TLE1: variants seen among roughly 807,000 people sequenced by gnomAD.
TLE1 encodes transducin-like enhancer protein 1.
TLE1 carries 21 observed loss-of-function variants against 89.8 expected under a neutral mutation model. That is an observed-to-expected ratio of 0.23 (90% CI 0.17 to 0.34). The LOEUF (loss-of-function observed/expected upper bound fraction) is 0.34, where lower values mean the gene tolerates loss of function less well. TLE1 is among the 10% of genes least tolerant of loss of function. The probability of loss-of-function intolerance (pLI) is 1.00; values close to 1 mark genes in which losing one functional copy is unlikely to be tolerated. For missense variants in TLE1, 795 were observed against 1,031.2 expected (o/e 0.77, Z 3.14); for synonymous variants, 447 against 407.6 (o/e 1.10, Z -1.16).
intron 8 of TLE1, among the ~76,000 whole-genome samples, chr9:81,630,373 C>T (rs970036288): frequency 3.3e-5 from 5 of 152,110 alleles, no homozygotes; most frequent in African/African-American, 1.2e-4. Flanking sequence ...CATAACAATG[C>T]CACTCTTCCC....
In TLE1 at chr9:81,689,496, A is replaced by AGCCGCCGCTCCCACCGCC. The variant is rs1554709634; in HGVS notation, c.-1274_-1257dup. Reference sequence around the variant, plus strand: ...CTGTTTCTGCTGCTGCTGCTTCTGCAGCCGCCGCTCCCACCGCCGCCGCCG... The same window carrying AGCCGCCGCTCCCACCGCC: ...CTGTTTCTGCTGCTGCTGCTTCTGCAGCCGCCGCTCCCACCGCCGCCGCCGCTCCCACCGCCGCCGCCG... On this transcript the variant is annotated 5_prime_UTR_variant, in exon 1 of 20. Transcript: ENST00000376499. Among the ~76,000 whole-genome samples, 6 of 151,918 alleles carry AGCCGCCGCTCCCACCGCC rather than the reference A, an allele frequency of 3.9e-5. No homozygotes were observed. Among genetic ancestry groups the AGCCGCCGCTCCCACCGCC allele is most frequent in the African/African-American group, 1.2e-4 (5 of 41,344 alleles).
Position 81,675,698 on chromosome 9 carries a change from G to GTT in TLE1, c.234+9976_234+9977dup, listed in dbSNP as rs35060460. ...AATTTTAGCATAAGGACTCACACTA[G>GTT]TTTTTTTTTGTTTTTTTTTTTGAGA... On this transcript the variant is annotated intron_variant, in intron 4 of 19. Coordinates refer to ENST00000376499, the MANE Select transcript of TLE1 (RefSeq NM_005077.5). 1.5e-3 allele frequency among the ~76,000 whole-genome samples: 191 copies of GTT among 129,640 alleles called. 8 individuals carry two copies. The highest frequency in any genetic ancestry group is 4.5e-3 in the African/African-American group (137 of 30,384). 85.0% of individuals were successfully genotyped at this position (129,640 alleles called of 152,430 possible).
intron 4 of TLE1, among the ~76,000 whole-genome samples, chr9:81,673,111 A>G (rs1456230966): frequency 6.6e-6 from 1 of 151,974 alleles, no homozygotes; most frequent in Non-Finnish European, 1.5e-5. Flanking sequence ...CGACTCTACT[A>G]AAAATACAAA....
Position 81,679,862 on chromosome 9 carries a change from C to T in TLE1, c.234+5814G>A, listed in dbSNP as rs1026510152. Among the ~76,000 whole-genome samples, 4 of 152,108 alleles carry T rather than the reference C, an allele frequency of 2.6e-5. 1 individual carries two copies. In the South Asian group the frequency reaches 8.3e-4, roughly 32 times the overall value. ...CCCTTTAATCCACTTCTGGAGACCACAAAAGGTTTAATAATAAAACAGCAA... is the reference window on the plus strand; with the variant it reads ...CCCTTTAATCCACTTCTGGAGACCATAAAAGGTTTAATAATAAAACAGCAA... On this transcript the variant is annotated intron_variant, in intron 4 of 19. Coordinates refer to ENST00000376499, the MANE Select transcript of TLE1 (RefSeq NM_005077.5).
chr9:81,684,132 G>A (rs1437643946), intron 4 of TLE1, among the ~76,000 whole-genome samples: 1 of 150,020 alleles, frequency 6.7e-6, no homozygotes, highest in African/African-American at 2.5e-5. Flanking sequence ...AAAAAAAAGT[G>A]CCCTTCAGAG....
intron 14 of TLE1, among the ~76,000 whole-genome samples, chr9:81,600,543 A>G (rs1401913206): frequency 6.6e-6 from 1 of 152,066 alleles, no homozygotes; most frequent in African/African-American, 2.4e-5. Context: ...CTATATCAGA[A>G]GGTAGAAAAA....
At chr9:81,675,958 C>T (rs1832855226) in intron 4 of TLE1, among the ~76,000 whole-genome samples, 1 of 152,204 alleles carries the variant, frequency 6.6e-6, no homozygotes, top group African/African-American at 2.4e-5. Flanking sequence ...CTCAGCCTCC[C>T]AAAGTGCTGG....
chr9:81,611,140 A>G (rs1284666852), intron 13 of TLE1, among the ~76,000 whole-genome samples: 2 of 152,176 alleles, frequency 1.3e-5, no homozygotes, highest in Non-Finnish European at 2.9e-5. Context: ...AGCCAATTCT[A>G]CCCTTCAAAT....
chr9:81,671,262 C>T (rs1260166439), intron 4 of TLE1, among the ~76,000 whole-genome samples: 2 of 152,070 alleles, frequency 1.3e-5, no homozygotes, highest in Non-Finnish European at 2.9e-5. Flanking sequence ...GCCTGTAATC[C>T]CAGCACTTTG....
At chr9:81,659,966 A>G (rs1333128172) in intron 4 of TLE1, among the ~76,000 whole-genome samples, 1 of 152,112 alleles carries the variant, frequency 6.6e-6, no homozygotes, top group Non-Finnish European at 1.5e-5. Context: ...TAACGCCAAT[A>G]AACGCACTCT....
intron 8 of TLE1, among the ~76,000 whole-genome samples, chr9:81,630,570 C>A (rs1323318491): frequency 3.9e-5 from 6 of 152,154 alleles, no homozygotes; most frequent in Non-Finnish European, 8.8e-5. Flanking sequence ...ACAAAAAGTT[C>A]TTCAGGGCCC....
chr9:81,671,403 T>C (rs541132685), intron 4 of TLE1, among the ~76,000 whole-genome samples: 124 of 151,814 alleles, frequency 8.2e-4, no homozygotes, highest in Middle Eastern at 6.8e-3. Context: ...TCCTAGCACT[T>C]TGGGAGGCCA....
intron 4 of TLE1, among the ~76,000 whole-genome samples, chr9:81,682,974 C>T (rs141940014): frequency 2.0e-5 from 3 of 152,320 alleles, no homozygotes; most frequent in South Asian, 2.1e-4. Context: ...GAAGTGTTGA[C>T]ACAACCTAAA....
intron 14 of TLE1, among the ~76,000 whole-genome samples, chr9:81,609,469 ATT>A (rs1467538962): frequency 1.3e-5 from 2 of 152,224 alleles, no homozygotes; most frequent in Admixed American, 6.5e-5. Context: ...TGTTTAAAAA[ATT>A]TGAGAACTTT....
intron 11 of TLE1, 44 bp from the exon 12 acceptor site, chr9:81,613,565 A>C: frequency 6.2e-7 from 1 of 1,605,852 alleles, no homozygotes; most frequent in South Asian, 1.1e-5. Flanking sequence ...TTTTAATCCA[A>C]GCCATATTAC....
chr9:81,626,990 T>TTC (rs1166688081), intron 8 of TLE1, among the ~76,000 whole-genome samples: 1 of 152,210 alleles, frequency 6.6e-6, no homozygotes, highest in Non-Finnish European at 1.5e-5. Flanking sequence ...AAAGCATGGT[T>TTC]TCTAAGAGCT....
At chr9:81,598,177 C>T (rs1830465311) in intron 14 of TLE1, among the ~76,000 whole-genome samples, 2 of 152,184 alleles carry the variant, frequency 1.3e-5, no homozygotes, top group African/African-American at 4.8e-5. Flanking sequence ...CTCTTTAGGG[C>T]TCATGAAGCC....
At chr9:81,651,854 C>T (rs962596468) in intron 6 of TLE1, among the ~76,000 whole-genome samples, 2 of 152,006 alleles carry the variant, frequency 1.3e-5, no homozygotes, top group African/African-American at 4.8e-5. Flanking sequence ...CAAGGGGGTG[C>T]CTGCCTTTGG....
intron 4 of TLE1, 136 bp from the exon 5 acceptor site, chr9:81,654,172 G>C (rs1435561512): frequency 4.2e-6 from 3 of 708,788 alleles, no homozygotes; most frequent in Non-Finnish European, 7.1e-6. Flanking sequence ...CCCAGGTTAT[G>C]TTACTAATAC....
Sources: allele counts gnomAD v4.1 joint callset (sites outside exome capture counted in the v4.1 genomes callset), GRCh38; gene constraint gnomAD v4.1.1; transcripts MANE v1.5; gene names NCBI Gene and HGNC (gene_info 2026-07-23, HGNC 2026-07-21).